The following WBP2NL variants were observed in gnomAD, a reference collection of about 807,000 sequenced individuals.
WBP2NL encodes postacrosomal sheath WW domain-binding protein.
In WBP2NL, 27 loss-of-function variants were observed where a neutral mutation model predicts 23.3. That is an observed-to-expected ratio of 1.16 (90% confidence interval 0.85 to 1.60). The LOEUF (loss-of-function observed/expected upper bound fraction) is 1.60. Ranked by LOEUF, WBP2NL falls within the 40% of genes most tolerant of loss-of-function variation. The probability of loss-of-function intolerance (pLI) is 0.00; values close to 1 mark genes in which losing one functional copy is unlikely to be tolerated. For missense variants in WBP2NL, 370 were observed against 389.5 expected (o/e 0.95, Z 0.42); for synonymous variants, 151 against 145.9 (o/e 1.03, Z -0.25).
At chr22:42,016,407 A>G (rs1368632260) in intron 1 of WBP2NL, among the ~76,000 whole-genome samples, 1 of 152,230 alleles carries the variant, frequency 6.6e-6, no homozygotes, top group East Asian at 1.9e-4. Flanking sequence ...ATTTTTAAAA[A>G]TAAGTGTGTT....
At chr22:42,050,048 T>C (rs1300115538) in intron 8 of WBP2NL, among the ~76,000 whole-genome samples, 5 of 151,590 alleles carry the variant, frequency 3.3e-5, no homozygotes, top group Admixed American at 3.3e-4. Flanking sequence ...ATATCTAAAA[T>C]TTACAGGTGG....
chr22:42,001,851 T>A, intron 1 of WBP2NL: 1 of 1,415,330 alleles, frequency 7.1e-7, no homozygotes, highest in Non-Finnish European at 9.6e-7. Context: ...GCTGGCATGC[T>A]GCACCTGTAG....
chr22:42,032,827 A>G, downstream of WBP2NL: 1 of 386,558 alleles, frequency 2.6e-6, no homozygotes, highest in Non-Finnish European at 5.3e-6. Context: ...TGTGACCAGC[A>G]GTTTGATTAG....
intron 1 of WBP2NL, among the ~76,000 whole-genome samples, chr22:42,009,001 G>C (rs1396933001): frequency 6.6e-6 from 1 of 152,036 alleles, no homozygotes; most frequent in Admixed American, 6.5e-5. Flanking sequence ...GGATGGTCTC[G>C]ATCTCCTGAT....
intron 8 of WBP2NL, among the ~76,000 whole-genome samples, chr22:42,038,042 C>G (rs1029024172): frequency 1.3e-5 from 2 of 152,168 alleles, no homozygotes; most frequent in Non-Finnish European, 2.9e-5. Context: ...AGCATCCTTT[C>G]CTTGTTCTGT....
intron 8 of WBP2NL, among the ~76,000 whole-genome samples, chr22:42,043,016 G>GAAAA (rs59812729): frequency 1.4e-4 from 8 of 55,362 alleles, no homozygotes; most frequent in African/African-American, 3.1e-4. Context: ...AGTGAGCCAA[G>GAAAA]AAAAAAAAAA....
At chr22:42,051,349 A>C in intron 8 of WBP2NL, among the ~76,000 whole-genome samples, 2 of 150,166 alleles carry the variant, frequency 1.3e-5, no homozygotes, top group Non-Finnish European at 1.5e-5. Flanking sequence ...GGGAGAGGGA[A>C]GGGAGGGAGG....
Position 42,019,344 on chromosome 22 carries a change from C to T in WBP2NL, c.96C>T (p.Ser32=). 1 of 1,614,150 alleles carries T rather than the reference C, an allele frequency of 6.2e-7. No homozygotes were observed. The change falls in exon 2 of 6, where the codon TCC becomes TCT. Residue 32 remains serine, a synonymous_variant. Coordinates refer to ENST00000328823, the MANE Select transcript of WBP2NL (RefSeq NM_152613.3). ...LLKRSPNVEL[S]FPQRSEGSNV... Reference sequence around the variant, plus strand: ...AGCGGTCTCCGAATGTGGAGCTCTCCTTCCCACAGCGATCAGAAGGCTCAA... The same window carrying T: ...AGCGGTCTCCGAATGTGGAGCTCTCTTTCCCACAGCGATCAGAAGGCTCAA...
At chr22:42,026,652 C>A in intron 5 of WBP2NL, 114 bp from the exon 6 acceptor site, 1 of 1,485,732 alleles carries the variant, frequency 6.7e-7, no homozygotes, top group Non-Finnish European at 9.1e-7. Flanking sequence ...ATTATTCTGC[C>A]TGACTTCTCT....
At chr22:42,047,864 G>A (rs1368895399) in intron 8 of WBP2NL, among the ~76,000 whole-genome samples, 1 of 151,230 alleles carries the variant, frequency 6.6e-6, no homozygotes, top group Non-Finnish European at 1.5e-5. Flanking sequence ...CTTGTGGTCC[G>A]CCCAATCTCG....
chr22:42,019,868 CAAACTTG>C, intron 3 of WBP2NL, 65 bp downstream of exon 3: 2 of 1,603,652 alleles, frequency 1.2e-6, no homozygotes, highest in Non-Finnish European at 1.7e-6. Context: ...GTTTAAGATT[CAAACTTG>C]GCTCATGTTG....
At chr22:42,052,317 C>G (rs1201802827) in intron 8 of WBP2NL, among the ~76,000 whole-genome samples, 2 of 152,038 alleles carry the variant, frequency 1.3e-5, no homozygotes, top group East Asian at 3.9e-4. Context: ...GAGTCTGGCT[C>G]TGTCACCCAG....
At chr22:42,044,833 A>T (rs751596543) in intron 8 of WBP2NL, among the ~76,000 whole-genome samples, 2 of 151,988 alleles carry the variant, frequency 1.3e-5, no homozygotes, top group Non-Finnish European at 2.9e-5. Context: ...TATTTTGTAG[A>T]GATGGATGTC....
At chr22:41,998,962 G>A in intron 1 of WBP2NL, 82 bp downstream of exon 1, 1 of 1,479,354 alleles carries the variant, frequency 6.8e-7, no homozygotes, top group Non-Finnish European at 9.1e-7. Context: ...CTCTCAGCGA[G>A]TCAGGGACTT....
At chr22:42,039,864 C>T (rs4822084) in intron 8 of WBP2NL, among the ~76,000 whole-genome samples, 59,718 of 149,994 alleles carry the variant, frequency 0.4, 14,392 homozygotes, top group East Asian at 0.84. Flanking sequence ...AACTTTGGGT[C>T]GAGTTTGTTC....
At chr22:42,035,834 C>T (rs979044853), downstream of WBP2NL, among the ~76,000 whole-genome samples, 1 of 152,158 alleles carries the variant, frequency 6.6e-6, no homozygotes, top group Non-Finnish European at 1.5e-5. Context: ...TTCCCAGCCC[C>T]TGGCAACCAC....
chr22:42,001,632 A>C, intron 1 of WBP2NL: 1 of 1,141,492 alleles, frequency 8.8e-7, no homozygotes, highest in South Asian at 1.2e-5. Flanking sequence ...TTCCCTGCAA[A>C]GTAGCGCCAA....
At chr22:42,015,708 G>C (rs1923244897) in intron 1 of WBP2NL, among the ~76,000 whole-genome samples, 1 of 151,998 alleles carries the variant, frequency 6.6e-6, no homozygotes, top group Non-Finnish European at 1.5e-5. Context: ...AGGCCTTTTT[G>C]CATCACTTCT....
rs1266943106 is a variant in WBP2NL at position 42,019,378 on chromosome 22, A to G, written c.130A>G (p.Ser44Gly). Residue 44 changes from serine to glycine, a missense_variant, in exon 2 of 6, where the codon AGT becomes GGT. Ser to Gly is a moderately conservative substitution (Grantham distance 56, BLOSUM62 0). Transcript: ENST00000328823. Reference protein sequence around the residue: ...PQRSEGSNVFSGRKTGTLFLT... With the variant: ...PQRSEGSNVFGGRKTGTLFLT... ...GCGATCAGAAGGCTCAAATGTCTTT[A>G]GTGGTAGAAAGACAGGAACATTGTT... The G allele has an allele frequency of 1.2e-6, 2 of 1,614,086 alleles. No individual in the cohort carries two copies. Among genetic ancestry groups the G allele is most frequent in the South Asian group, 2.2e-5 (2 of 91,086 alleles).
Sources: gnomAD v4.1 joint callset for allele counts (sites outside exome capture counted in the v4.1 genomes callset) on GRCh38, gnomAD v4.1.1 for gene constraint, MANE v1.5 for transcripts, NCBI Gene and HGNC (gene_info 2026-07-23, HGNC 2026-07-21) for gene names.